ALDOB: variants seen among roughly 807,000 people sequenced by gnomAD.
ALDOB encodes the protein fructose-bisphosphate aldolase B.
In ALDOB, 39 loss-of-function variants were observed where a neutral mutation model predicts 41.0. That is an observed-to-expected ratio of 0.95 (90% CI 0.74 to 1.24). The LOEUF is 1.24. ALDOB is among the 50% of genes most tolerant of loss of function. The probability of loss-of-function intolerance (pLI) is 0.00; values close to 1 mark genes in which losing one functional copy is unlikely to be tolerated. For missense variants in ALDOB, 530 were observed against 457.3 expected (o/e 1.16, Z -1.45); for synonymous variants, 175 against 168.8 (o/e 1.04, Z -0.28).
chr9:101,433,589 T>C (rs1831250332), intron 1 of ALDOB, among the ~76,000 whole-genome samples: 1 of 152,194 alleles, frequency 6.6e-6, no homozygotes. Flanking sequence ...ATTATATTAT[T>C]AAATGAAAAA....
At position 101,421,357 on chromosome 9, in the gene ALDOB, A is replaced by G. The variant is rs550789144; in HGVS notation, c.*452T>C. ...AGTCTTTGGACAGCAAGAGCAGAAA[A>G]GTGAAACCCGATAGCAGCTGAAGGT... On this transcript the variant is annotated 3_prime_UTR_variant, in exon 9 of 9. Transcript: ENST00000647789. 2 of 272,850 alleles carry G rather than the reference A, an allele frequency of 7.3e-6. No individual in the cohort carries two copies. The highest frequency in any genetic ancestry group is 4.4e-5 in the African/African-American group (2 of 45,270). 16.9% of individuals were successfully genotyped at this position (272,850 alleles called of 1,614,324 possible). A position where few individuals can be genotyped will look rare whatever the true frequency, so the allele number is the denominator to read the frequency against.
In ALDOB at chr9:101,429,946, G is replaced by C; in HGVS notation, c.133C>G (p.Gln45Glu). 1 of 1,614,134 alleles carries C rather than the reference G, an allele frequency of 6.2e-7. No homozygotes were observed. The highest frequency in any genetic ancestry group is 8.5e-7 in the Non-Finnish European group (1 of 1,180,034). The change falls in exon 3 of 9, where the codon CAG becomes GAG. Residue 45 changes from glutamine to glutamate, a missense_variant. Gln to Glu is a conservative substitution (Grantham distance 29). Coordinates refer to ENST00000647789, the MANE Select transcript of ALDOB (RefSeq NM_000035.4). ...ESVGTMGNRLQRIKVENTEEN... is the reference protein window; with the variant it reads ...ESVGTMGNRLERIKVENTEEN... ...TCAGTGTTTTCCACCTTGATCCTCT[G>C]CAGGCGGTTCCCCATGGTACCTATG...
At chr9:101,430,992 A>AC (rs1831212563) in intron 1 of ALDOB, 95 bp from the exon 2 acceptor site, 1 of 825,714 alleles carries the variant, frequency 1.2e-6, no homozygotes, top group Non-Finnish European at 2.1e-6. Flanking sequence ...TGCTGTGCAG[A>AC]CCTCTGTGAC....
chr9:101,424,716 T>G, intron 8 of ALDOB, 127 bp downstream of exon 8: 1 of 1,160,424 alleles, frequency 8.6e-7, no homozygotes, highest in Non-Finnish European at 1.3e-6. Flanking sequence ...TGCCACATTT[T>G]CAAATGCCTA....
At position 101,420,710 on chromosome 9, in the gene ALDOB, A is replaced by C. The variant is rs190094483; in HGVS notation, c.*1099T>G. 6.6e-6 allele frequency: 1 copy of C among 152,226 alleles called. No individual in the cohort carries two copies. Among genetic ancestry groups the C allele is most frequent in the East Asian group, 1.9e-4 (1 of 5,182 alleles). 9.4% of individuals were successfully genotyped at this position (152,226 alleles called of 1,614,324 possible). ...TTCCTGACTCTCTTTGCTTTCTTCC[A>C]CTTCTCCTCCCCCTTATATTTCCTA... On this transcript the variant is annotated 3_prime_UTR_variant, in exon 9 of 9. Coordinates refer to ENST00000647789, the MANE Select transcript of ALDOB (RefSeq NM_000035.4).
chr9:101,434,540 T>TG (rs1385791521), intron 1 of ALDOB, among the ~76,000 whole-genome samples: 1 of 152,236 alleles, frequency 6.6e-6, no homozygotes, highest in Admixed American at 6.5e-5. Context: ...GAGGCTTATT[T>TG]ATTGATAGCC....
chr9:101,425,495 T>C lies in ALDOB; in HGVS notation c.757A>G (p.Thr253Ala), dbSNP rs779885811. 2 of 1,614,098 alleles carry C rather than the reference T, an allele frequency of 1.2e-6. No homozygotes were observed. Among genetic ancestry groups the C allele is most frequent in the South Asian group, 2.2e-5 (2 of 91,086 alleles). ...KYTPEQVAMA[T>A]VTALHRTVPA... Reference sequence around the variant, plus strand: ...ACAGTACGGTGGAGAGCTGTTACGGTGGCCATAGCTACTTGTTCTGGAGTA... The same window carrying C: ...ACAGTACGGTGGAGAGCTGTTACGGCGGCCATAGCTACTTGTTCTGGAGTA... The change falls in exon 7 of 9, where the codon ACC (threonine) becomes GCC (alanine). Residue 253 changes from threonine (T) to alanine (A), a missense_variant. Coordinates refer to ENST00000647789, the MANE Select transcript of ALDOB (RefSeq NM_000035.4).
At chr9:101,432,233 G>T (rs980757616) in intron 1 of ALDOB, among the ~76,000 whole-genome samples, 2 of 152,132 alleles carry the variant, frequency 1.3e-5, no homozygotes, top group Non-Finnish European at 2.9e-5. Context: ...AGAGGTTCTT[G>T]TCTTACCCCA....
chr9:101,429,626 TGAC>T (rs1831184576), intron 3 of ALDOB, 126 bp downstream of exon 3: 2 of 912,446 alleles, frequency 2.2e-6, no homozygotes, highest in African/African-American at 3.3e-5. Flanking sequence ...TGTGGGAAGA[TGAC>T]GATGGAAAAG....
At chr9:101,427,365 T>G in intron 5 of ALDOB, 117 bp downstream of exon 5, 1 of 1,336,884 alleles carries the variant, frequency 7.5e-7, no homozygotes, top group Non-Finnish European at 1.0e-6. Flanking sequence ...AAAATGCCAC[T>G]AGGATATACT....
In ALDOB at chr9:101,426,591, G is replaced by T. The variant is rs755870963; in HGVS notation, c.588C>A (p.Asp196Glu). 2 of 1,613,148 alleles carry T rather than the reference G, an allele frequency of 1.2e-6. No individual in the cohort carries two copies. The highest frequency in any genetic ancestry group is 3.3e-4 in the Middle Eastern group (2 of 6,062). The change falls in exon 6 of 9, where the codon GAC becomes GAA. Residue 196 changes from aspartate (D) to glutamate (E), a missense_variant. By Grantham distance (45) the Asp-to-Glu change is conservative. Coordinates refer to ENST00000647789, the MANE Select transcript of ALDOB (RefSeq NM_000035.4). ...CATACTGGCAGTGTTCCAGGTCATG[G>T]TCTCCATCAGGAATTACCTCTGGTT... ...IVEPEVIPDG[D>E]HDLEHCQYVT...
Position 101,428,454 on chromosome 9 carries a change from G to T in ALDOB, c.379+15C>A. On this transcript the variant is annotated intron_variant, in intron 4 of 8. Coordinates refer to ENST00000647789, the MANE Select transcript of ALDOB (RefSeq NM_000035.4). ...TTACACTGGCATGATTCATCTCAGTGGGCAATATCCTTACCTTGAATGGTG... is the reference window on the plus strand; with the variant it reads ...TTACACTGGCATGATTCATCTCAGTTGGCAATATCCTTACCTTGAATGGTG... The T allele has an allele frequency of 6.2e-7, 1 of 1,611,212 alleles. No homozygotes were observed. The highest frequency in any genetic ancestry group is 2.2e-5 in the East Asian group (1 of 44,860).
intron 7 of ALDOB, 131 bp downstream of exon 7, chr9:101,425,322 G>A (rs1831109219): frequency 8.9e-7 from 1 of 1,124,672 alleles, no homozygotes; most frequent in Admixed American, 1.9e-5. Context: ...GGGAGAAGAA[G>A]TGCTGGCTGC....
At chr9:101,429,233 A>G (rs1009585265) in intron 3 of ALDOB, among the ~76,000 whole-genome samples, 11 of 147,688 alleles carry the variant, frequency 7.4e-5, no homozygotes, top group Non-Finnish European at 1.3e-4. Context: ...AGCTCACTCC[A>G]GCTTCGACCT....
At chr9:101,431,489 T>G (rs750648409) in intron 1 of ALDOB, among the ~76,000 whole-genome samples, 69 of 152,160 alleles carry the variant, frequency 4.5e-4, no homozygotes, top group Non-Finnish European at 8.8e-4. Flanking sequence ...TGAAACCACT[T>G]GGGGCAGACC....
chr9:101,430,067 G>C, intron 2 of ALDOB, 101 bp from the exon 3 acceptor site: 1 of 1,082,140 alleles, frequency 9.2e-7, no homozygotes, highest in South Asian at 1.3e-5. Context: ...TGGAAAGCAA[G>C]ACTTTCTTTT....
In ALDOB at chr9:101,424,998, G is replaced by C. The variant is rs1223524327; in HGVS notation, c.844C>G (p.Leu282Val). 6.2e-7 allele frequency: 1 copy of C among 1,614,224 alleles called. No individual in the cohort carries two copies. Among genetic ancestry groups the C allele is most frequent in the Admixed American group, 1.7e-5 (1 of 60,032 alleles). The change falls in exon 8 of 9, where the codon CTC (leucine) becomes GTC (valine). Residue 282 changes from leucine to valine, a missense_variant. Physicochemically the swap from Leu to Val is conservative, Grantham distance 32. Transcript: ENST00000647789. ...CAAAGGTTGATAGCATTGAGGTTGAGAGTGGCATCCTCTTCACTCATGCCA... is the reference window on the plus strand; with the variant it reads ...CAAAGGTTGATAGCATTGAGGTTGACAGTGGCATCCTCTTCACTCATGCCA... ...SGGMSEEDATLNLNAINLCPL... is the reference protein window; with the variant it reads ...SGGMSEEDATVNLNAINLCPL...
At position 101,427,515 on chromosome 9, in the gene ALDOB, G is replaced by T. The variant is rs746351347; in HGVS notation, c.507C>A (p.Asn169Lys). ...PSSLAIQENANALARYASICQ... is the reference protein window; with the variant it reads ...PSSLAIQENAKALARYASICQ... ...AGATGCTGGCGTAGCGAGCCAGGGC[G>T]TTGGCGTTTTCCTGGATAGCGAGGC... Residue 169 changes from asparagine (N) to lysine (K), a missense_variant, in exon 5 of 9, where the codon AAC (asparagine) becomes AAA (lysine). Coordinates refer to ENST00000647789, the MANE Select transcript of ALDOB (RefSeq NM_000035.4). The T allele has an allele frequency of 6.2e-7, 1 of 1,614,208 alleles. No homozygotes were observed. Among genetic ancestry groups the T allele is most frequent in the Non-Finnish European group, 8.5e-7 (1 of 1,180,036 alleles).
intron 1 of ALDOB, among the ~76,000 whole-genome samples, 157 bp downstream of exon 1, chr9:101,435,552 C>T (rs1052051142): frequency 1.3e-5 from 2 of 152,166 alleles, no homozygotes; most frequent in African/African-American, 4.8e-5. Context: ...GGAAAACAAG[C>T]ATTTCCCTCC....
Sources: allele counts gnomAD v4.1 joint callset (sites outside exome capture counted in the v4.1 genomes callset), GRCh38; gene constraint gnomAD v4.1.1; transcripts MANE v1.5; gene names NCBI Gene and HGNC (gene_info 2026-07-23, HGNC 2026-07-21).